Variants in RPSA2 observed in about 807,000 individuals in gnomAD.
RPSA2 encodes ribosomal protein SA 2.
the RPSA2 span, among the ~76,000 whole-genome samples, chr19:23,770,213 C>T: frequency 6.6e-6 from 1 of 152,152 alleles, no homozygotes; most frequent in Non-Finnish European, 1.5e-5. Context: ...GAGCCCAGTA[C>T]ATAGGTGATG....
At chr19:23,827,231 C>T in the RPSA2 span, 1 of 837,266 alleles carries the variant, frequency 1.2e-6, no homozygotes, top group Admixed American at 1.9e-5. Context: ...AGCAGGAACC[C>T]ACTTAGGTGG....
the RPSA2 span, among the ~76,000 whole-genome samples, chr19:23,785,920 G>A: frequency 1.5e-3 from 223 of 152,232 alleles, 4 homozygotes; most frequent in Non-Finnish European, 1.5e-3. Context: ...CACATCTCTT[G>A]TGGTACAGTG....
the RPSA2 span, among the ~76,000 whole-genome samples, chr19:23,847,792 C>T: frequency 7.0e-4 from 107 of 152,190 alleles, 2 homozygotes; most frequent in East Asian, 0.016. Flanking sequence ...ATTCCCAGAG[C>T]GGCCATTTAT....
At chr19:23,792,211 A>G in the RPSA2 span, among the ~76,000 whole-genome samples, 3 of 152,218 alleles carry the variant, frequency 2.0e-5, no homozygotes, top group African/African-American at 7.2e-5. Context: ...CCAAGTTAAT[A>G]ACTCTGACAT....
At chr19:23,821,559 G>C in the RPSA2 span, among the ~76,000 whole-genome samples, 3 of 152,176 alleles carry the variant, frequency 2.0e-5, no homozygotes, top group Non-Finnish European at 2.9e-5. Flanking sequence ...GAAGGAACCC[G>C]GTTGGTCCTA....
At chr19:23,767,905 T>C in the RPSA2 span, among the ~76,000 whole-genome samples, 1 of 151,566 alleles carries the variant, frequency 6.6e-6, no homozygotes, top group African/African-American at 2.4e-5. Context: ...TAGCTGGGAT[T>C]ACAGGCGCCC....
the RPSA2 span, among the ~76,000 whole-genome samples, chr19:23,867,657 C>T: frequency 2.5e-4 from 38 of 152,110 alleles, no homozygotes; most frequent in African/African-American, 8.9e-4. Context: ...AGTGAAACCC[C>T]ACCTCTACTA....
the RPSA2 span, among the ~76,000 whole-genome samples, chr19:23,793,433 T>C: frequency 1.3e-5 from 2 of 151,986 alleles, no homozygotes; most frequent in Non-Finnish European, 2.9e-5. Flanking sequence ...ATTTGTATTT[T>C]ATTTTCTTTG....
At chr19:23,851,606 T>C in the RPSA2 span, among the ~76,000 whole-genome samples, 1 of 152,290 alleles carries the variant, frequency 6.6e-6, no homozygotes, top group East Asian at 1.9e-4. Flanking sequence ...GAGACAATAT[T>C]TAAAGGTTTG....
At chr19:23,778,995 CTTTTTTTTTTTTT>C in the RPSA2 span, among the ~76,000 whole-genome samples, 1 of 80,696 alleles carries the variant, frequency 1.2e-5, no homozygotes, top group African/African-American at 5.2e-5. Flanking sequence ...TTTTGTGACA[CTTTTTTTTTTTTT>C]TTTTTTTTTT....
At chr19:23,831,147 A>G in the RPSA2 span, among the ~76,000 whole-genome samples, 1 of 152,154 alleles carries the variant, frequency 6.6e-6, no homozygotes, top group Non-Finnish European at 1.5e-5. Flanking sequence ...TCTCATTTCA[A>G]AATATGCCAC....
the RPSA2 span, among the ~76,000 whole-genome samples, chr19:23,857,136 T>C: frequency 6.6e-6 from 1 of 152,068 alleles, no homozygotes; most frequent in African/African-American, 2.4e-5. Context: ...TTTCCTAGAG[T>C]ATTAATATCA....
the RPSA2 span, among the ~76,000 whole-genome samples, chr19:23,822,236 G>T: frequency 6.6e-6 from 1 of 152,168 alleles, no homozygotes; most frequent in Admixed American, 6.5e-5. Context: ...ACCTTTGCAG[G>T]CGCTGAAGCT....
the RPSA2 span, among the ~76,000 whole-genome samples, chr19:23,842,219 C>T: frequency 2.6e-5 from 4 of 152,274 alleles, no homozygotes; most frequent in East Asian, 5.8e-4. Flanking sequence ...ACTGTGACTT[C>T]TCCATGTGAG....
the RPSA2 span, among the ~76,000 whole-genome samples, chr19:23,840,080 A>T: frequency 6.6e-6 from 1 of 150,888 alleles, no homozygotes; most frequent in Admixed American, 6.6e-5. Flanking sequence ...TCTCCTGAGA[A>T]GGAATCAGAG....
At chr19:23,832,277 A>G in the RPSA2 span, 5 of 452,440 alleles carry the variant, frequency 1.1e-5, no homozygotes, top group African/African-American at 2.0e-5. Context: ...ACGAAACATA[A>G]GAGAATTCAT....
At chr19:23,771,573 C>T in the RPSA2 span, among the ~76,000 whole-genome samples, 1 of 152,128 alleles carries the variant, frequency 6.6e-6, no homozygotes, top group African/African-American at 2.4e-5. Context: ...TGCCTGGGCC[C>T]AGTGTACAGA....
chr19:23,779,841 G>A, the RPSA2 span, among the ~76,000 whole-genome samples: 1 of 152,184 alleles, frequency 6.6e-6, no homozygotes, highest in African/African-American at 2.4e-5. Flanking sequence ...CAAGTGATGT[G>A]TCTCTTCTGA....
the RPSA2 span, among the ~76,000 whole-genome samples, chr19:23,870,501 A>T: frequency 7.0e-6 from 1 of 143,140 alleles, no homozygotes; most frequent in Admixed American, 7.3e-5. Flanking sequence ...CACATCCAAC[A>T]TCACCTTTGA....
Sources: allele counts gnomAD v4.1 joint callset (sites outside exome capture counted in the v4.1 genomes callset), GRCh38; gene constraint gnomAD v4.1.1; transcripts MANE v1.5; gene names NCBI Gene and HGNC (gene_info 2026-07-23, HGNC 2026-07-21).